Variants in ADK observed in about 807,000 individuals in gnomAD.
The protein encoded by ADK is N6,N6-dimethyladenosine kinase.
In ADK, 24 loss-of-function variants were observed where a neutral mutation model predicts 44.7. The ratio of observed to expected loss-of-function variants is 0.54; its 90% CI spans 0.39 to 0.76. The LOEUF (loss-of-function observed/expected upper bound fraction) is 0.76, where lower values mean the gene tolerates loss of function less well. ADK is among the 30% of genes least tolerant of loss of function. The pLI is 0.00. For missense variants in ADK, 321 were observed against 425.1 expected, an observed-to-expected ratio of 0.76 and a Z score of 2.15; for synonymous variants, 128 against 142.6, an observed-to-expected ratio of 0.90 and a Z score of 0.73.
intron 3 of ADK, among the ~76,000 whole-genome samples, chr10:74,267,378 G>A (rs1348201380): frequency 6.6e-6 from 1 of 152,184 alleles, no homozygotes; most frequent in Non-Finnish European, 1.5e-5. Flanking sequence ...TAGTATGTGT[G>A]CATTTTGGTA....
At chr10:74,381,081 G>A (rs1302322433) in intron 4 of ADK, among the ~76,000 whole-genome samples, 1 of 152,120 alleles carries the variant, frequency 6.6e-6, no homozygotes, top group African/African-American at 2.4e-5. Context: ...TGATAAAATT[G>A]TAACATTCTG....
chr10:74,313,330 T>TG (rs553642772), intron 3 of ADK, among the ~76,000 whole-genome samples: 203 of 152,108 alleles, frequency 1.3e-3, no homozygotes, highest in Middle Eastern at 3.4e-3. Context: ...CTGTTTTTTT[T>TG]GGGGGGGAGA....
At chr10:74,634,903 C>T (rs1043953075) in intron 9 of ADK, among the ~76,000 whole-genome samples, 3 of 152,092 alleles carry the variant, frequency 2.0e-5, no homozygotes, top group Non-Finnish European at 4.4e-5. Context: ...CGAGATAATG[C>T]CACTGCACTC....
intron 8 of ADK, among the ~76,000 whole-genome samples, chr10:74,599,656 A>G (rs188323436): frequency 1.2e-4 from 19 of 152,342 alleles, no homozygotes; most frequent in African/African-American, 4.6e-4. Context: ...CTTTAGCTCA[A>G]GGTTAGGTTT....
chr10:74,374,670 A>G (rs1196741816), intron 4 of ADK, among the ~76,000 whole-genome samples: 8 of 152,146 alleles, frequency 5.3e-5, no homozygotes, highest in Non-Finnish European at 1.2e-4. Context: ...ATGCATGGTT[A>G]GTCCTTCATA....
intron 9 of ADK, among the ~76,000 whole-genome samples, chr10:74,652,158 C>T (rs1253845345): frequency 6.6e-6 from 1 of 151,320 alleles, no homozygotes; most frequent in Non-Finnish European, 1.5e-5. Flanking sequence ...TCTCCTGCCT[C>T]AGCCTCCCGA....
At chr10:74,454,351 TACTC>T (rs1396485685) in intron 6 of ADK, among the ~76,000 whole-genome samples, 1 of 152,186 alleles carries the variant, frequency 6.6e-6, no homozygotes, top group African/African-American at 2.4e-5. Context: ...TGGAATGTGT[TACTC>T]ATTTATGCAA....
intron 9 of ADK, among the ~76,000 whole-genome samples, chr10:74,667,372 C>A (rs1181800080): frequency 2.0e-5 from 3 of 151,554 alleles, no homozygotes; most frequent in African/African-American, 4.9e-5. Flanking sequence ...GAAAATAATT[C>A]TACTTTGTAT....
At position 74,701,666 on chromosome 10, in the gene ADK, C is replaced by G. The variant is rs143125988; in HGVS notation, c.965-6655C>G. ...CATTGATTTAAAAAGAATTGTGGGCCAAGCATGGTGTCTCACACCTGTAAT... is the reference window on the plus strand; with the variant it reads ...CATTGATTTAAAAAGAATTGTGGGCGAAGCATGGTGTCTCACACCTGTAAT... On this transcript the variant is annotated intron_variant, in intron 10 of 10. Transcript: ENST00000539909. Among the ~76,000 whole-genome samples the G allele has an allele frequency of 7.2e-4, 110 of 152,272 alleles. 2 individuals are homozygous for G. The South Asian group carries it at 0.022, about 31-fold the overall frequency.
intron 4 of ADK, among the ~76,000 whole-genome samples, chr10:74,338,721 A>T (rs541054695): frequency 2.0e-5 from 3 of 152,326 alleles, no homozygotes; most frequent in Admixed American, 1.3e-4. Context: ...ATGAAAAAAA[A>T]TTAGTGTTGG....
chr10:74,339,436 A>G (rs988989567), intron 4 of ADK, among the ~76,000 whole-genome samples: 8 of 152,254 alleles, frequency 5.3e-5, no homozygotes, highest in Admixed American at 1.3e-4. Flanking sequence ...TGACATAAAC[A>G]TACAGATTCC....
intron 10 of ADK, among the ~76,000 whole-genome samples, chr10:74,680,593 A>G (rs2134231331): frequency 6.6e-6 from 1 of 152,242 alleles, no homozygotes; most frequent in South Asian, 2.1e-4. Flanking sequence ...AAATAAAATC[A>G]CATGTGTGTA....
chr10:74,441,819 G>A (rs899173226), intron 6 of ADK, among the ~76,000 whole-genome samples: 19 of 152,204 alleles, frequency 1.2e-4, no homozygotes, highest in African/African-American at 4.6e-4. Flanking sequence ...TATGATAAAA[G>A]GTTAATTATC....
intron 4 of ADK, among the ~76,000 whole-genome samples, chr10:74,392,934 A>C (rs1332639287): frequency 2.0e-5 from 3 of 151,900 alleles, no homozygotes; most frequent in African/African-American, 7.3e-5. Context: ...CATTGTGTGG[A>C]TATATCATAA....
intron 3 of ADK, among the ~76,000 whole-genome samples, chr10:74,234,509 GAACA>G (rs569882542): frequency 9.2e-4 from 140 of 152,232 alleles, no homozygotes; most frequent in African/African-American, 3.2e-3. Context: ...TGTTCATTAT[GAACA>G]TACCTACTTG....
At chr10:74,262,651 C>A (rs367559719) in intron 3 of ADK, among the ~76,000 whole-genome samples, 1 of 76,218 alleles carries the variant, frequency 1.3e-5, no homozygotes, top group African/African-American at 3.9e-5. Flanking sequence ...CAGGTAGCTT[C>A]ATTCATGTAT....
In ADK at chr10:74,589,266, T is replaced by C. The variant is rs1851635720; in HGVS notation, c.727-16T>C. On this transcript the variant is annotated splice_polypyrimidine_tract_variant and intron_variant, in intron 7 of 10. Transcript: ENST00000539909. ...AGCACTTTATAATTAACTGTTCTTT[T>C]TTTTTTTTATTTCAGGAAGCTGCCA... 6.2e-7 allele frequency: 1 copy of C among 1,613,072 alleles called. No individual in the cohort carries two copies. The highest frequency in any genetic ancestry group is 8.5e-7 in the Non-Finnish European group (1 of 1,179,308).
At chr10:74,681,721 G>A (rs1855608530) in intron 10 of ADK, among the ~76,000 whole-genome samples, 1 of 151,976 alleles carries the variant, frequency 6.6e-6, no homozygotes, top group South Asian at 2.1e-4. Flanking sequence ...CTGATGGCGG[G>A]CACCTGTAAT....
intron 3 of ADK, among the ~76,000 whole-genome samples, chr10:74,278,017 TTTATA>T: frequency 6.6e-6 from 1 of 152,112 alleles, no homozygotes; most frequent in Non-Finnish European, 1.5e-5. Flanking sequence ...TCTTTGTTTA[TTTATA>T]TGCTTGACTG....
Sources: gnomAD v4.1 joint callset for allele counts (sites outside exome capture counted in the v4.1 genomes callset) on GRCh38, gnomAD v4.1.1 for gene constraint, MANE v1.5 for transcripts, NCBI Gene and HGNC (gene_info 2026-07-23, HGNC 2026-07-21) for gene names.